Variants in GRIN2D observed in about 807,000 individuals in gnomAD.
The protein encoded by GRIN2D is glutamate ionotropic receptor NMDA type subunit 2D.
GRIN2D carries 37 observed loss-of-function variants against 103.2 expected under a neutral mutation model. The observed-to-expected ratio is 0.36, with a 90% CI of 0.28 to 0.47. The LOEUF (loss-of-function observed/expected upper bound fraction) is 0.47. GRIN2D is among the 20% of genes least tolerant of loss of function. The probability of loss-of-function intolerance (pLI) is 1.00; values close to 1 mark genes in which losing one functional copy is unlikely to be tolerated. For missense variants in GRIN2D, 1,557 were observed against 1,910.6 expected, an observed-to-expected ratio of 0.81 and a Z score of 3.45; for synonymous variants, 845 against 885.6, an observed-to-expected ratio of 0.95 and a Z score of 0.81.
At chr19:48,411,369 A>G (rs1176645530) in intron 4 of GRIN2D, among the ~76,000 whole-genome samples, 1 of 147,138 alleles carries the variant, frequency 6.8e-6, no homozygotes, top group Non-Finnish European at 1.5e-5. Context: ...TAATAATAAT[A>G]GGCCGGCAGT....
intron 8 of GRIN2D, among the ~76,000 whole-genome samples, chr19:48,417,231 C>G (rs1970959747): frequency 1.3e-5 from 2 of 152,216 alleles, no homozygotes; most frequent in East Asian, 3.9e-4. Context: ...CAGAGCCAGA[C>G]CCTATCTCTA....
chr19:48,402,116 G>GAAAGAAAGAAAGAAAC (rs1345093145), intron 3 of GRIN2D, among the ~76,000 whole-genome samples: 1 of 12,080 alleles, frequency 8.3e-5, no homozygotes, highest in Non-Finnish European at 1.9e-4. Flanking sequence ...GAAAGAGAAG[G>GAAAGAAAGAAAGAAAC]AAAGAAAGAA....
At chr19:48,430,093 T>C (rs1244128692) in intron 11 of GRIN2D, among the ~76,000 whole-genome samples, 1 of 152,224 alleles carries the variant, frequency 6.6e-6, no homozygotes, top group Non-Finnish European at 1.5e-5. Flanking sequence ...ATTGTGACTC[T>C]GACAGATGAA....
intron 4 of GRIN2D, among the ~76,000 whole-genome samples, chr19:48,411,515 G>A (rs985461822): frequency 6.6e-6 from 1 of 151,860 alleles, no homozygotes; most frequent in African/African-American, 2.4e-5. Context: ...CAGGCGCGGT[G>A]GTGCTTGCCT....
At chr19:48,413,495 A>ACAAAAACAAACAAAAT (rs1173214285) in intron 4 of GRIN2D, among the ~76,000 whole-genome samples, 1 of 151,378 alleles carries the variant, frequency 6.6e-6, no homozygotes, top group Non-Finnish European at 1.5e-5. Flanking sequence ...CAAAACAAAA[A>ACAAAAACAAACAAAAT]CAAAAACAAA....
In GRIN2D at chr19:48,398,519, G is replaced by T; in HGVS notation, c.127G>T (p.Gly43Cys). 2.9e-6 allele frequency: 3 copies of T among 1,024,134 alleles called. No homozygotes were observed. The highest frequency in any genetic ancestry group is 3.5e-6 in the Non-Finnish European group (3 of 856,996). The allele number at this position is 1,024,134 out of a possible 1,614,324, so 63.4% of individuals were successfully genotyped here. The change falls in exon 3 of 14, where the codon GGC becomes TGC. Residue 43 changes from glycine to cysteine, a missense_variant. Physicochemically the swap from Gly to Cys is radical, Grantham distance 159 (BLOSUM62 -3). Transcript: ENST00000263269. ...GCCGGGCGGGGCCGGTGGGCCCGGCGGCGGCCTCGGCGGGGCGCGGCCGCT... is the reference window on the plus strand; with the variant it reads ...GCCGGGCGGGGCCGGTGGGCCCGGCTGCGGCCTCGGCGGGGCGCGGCCGCT... The part of the protein sequence containing the change: ...PGPGGAGGPG[G>C]GLGGARPLNV...
rs1385313006 is a variant in GRIN2D, at chr19:48,442,175, G to A, written c.2466G>A (p.Leu822=). Residue 822 remains leucine, a synonymous_variant, in exon 13 of 14, where the codon CTG becomes CTA. Transcript: ENST00000263269. This position sits in a 1 kb window ranked among gnomAD's most constrained non-coding sequence, Gnocchi z 7.2. The stretch of plus-strand genomic sequence containing the variant: ...ATGAGATCGAGATGCTGGAGCGGCT[G>A]TGGCTCTCTGGGATCTGCCACAATG... ...GDDEIEMLER[L]WLSGICHNDK... 1.9e-6 allele frequency: 3 copies of A among 1,614,080 alleles called. No homozygotes were observed. The highest frequency in any genetic ancestry group is 2.7e-5 in the African/African-American group (2 of 74,932).
intron 3 of GRIN2D, among the ~76,000 whole-genome samples, chr19:48,400,836 C>T (rs550409335): frequency 1.3e-5 from 2 of 152,178 alleles, no homozygotes; most frequent in South Asian, 2.1e-4. Context: ...GAGGCCGAGG[C>T]GGGCAGATCA....
intron 11 of GRIN2D, among the ~76,000 whole-genome samples, chr19:48,439,807 G>C (rs1169897031): frequency 6.6e-6 from 1 of 152,228 alleles, no homozygotes; most frequent in East Asian, 1.9e-4. Context: ...GCCAGGCGTG[G>C]TGGCACATGC....
chr19:48,415,098 T>C (rs1002621431), intron 7 of GRIN2D, 66 bp downstream of exon 7: 10 of 1,422,834 alleles, frequency 7.0e-6, no homozygotes, highest in Non-Finnish European at 9.6e-6. Context: ...CAGCCGGGCG[T>C]GGTGGCTCAC....
intron 9 of GRIN2D, 101 bp from the exon 10 acceptor site, chr19:48,419,484 C>T (rs1970989767): frequency 5.1e-6 from 7 of 1,364,660 alleles, no homozygotes; most frequent in Admixed American, 2.1e-5. Flanking sequence ...GTGCCAGATG[C>T]CTTGAGGGCC....
rs915124750 is a variant in GRIN2D at position 48,394,474 on chromosome 19, G to A, written c.-305-184G>A. On this transcript the variant is annotated intron_variant, in intron 1 of 13. Coordinates refer to ENST00000263269, the MANE Select transcript of GRIN2D (RefSeq NM_000836.4). This position sits in a 1 kb window ranked among gnomAD's most constrained non-coding sequence, Gnocchi z 5.1. ...GGAAGGGGGGGTGGGGGGGCTGAGG[G>A]CACAAAGCGGGGGTGCGAGTGAGCC... Among the ~76,000 whole-genome samples the A allele has an allele frequency of 1.4e-5, 2 of 143,274 alleles. No homozygotes were observed. The highest frequency in any genetic ancestry group is 5.1e-5 in the African/African-American group (2 of 39,558). 94.0% of individuals were successfully genotyped at this position (143,274 alleles called of 152,430 possible).
In GRIN2D at chr19:48,419,566, AC is replaced by A; in HGVS notation, c.1862-18del. On this transcript the variant is annotated intron_variant, in intron 9 of 13. Transcript: ENST00000263269. Reference sequence around the variant, plus strand: ...GAGAAGGGATTTGGGGTCCATGTCCACGTCCTGGCCCCCTGCAGGCCCTGGC... The same window carrying A: ...GAGAAGGGATTTGGGGTCCATGTCCAGTCCTGGCCCCCTGCAGGCCCTGGC... The A allele has an allele frequency of 6.4e-7, 1 of 1,561,968 alleles. No individual in the cohort carries two copies. Among genetic ancestry groups the A allele is most frequent in the East Asian group, 2.3e-5 (1 of 44,330 alleles).
At position 48,442,871 on chromosome 19, in the gene GRIN2D, C is replaced by T. The variant is rs968913408; in HGVS notation, c.2945C>T (p.Ala982Val). The T allele has an allele frequency of 9.9e-5, 108 of 1,086,380 alleles. No individual in the cohort carries two copies. The highest frequency in any genetic ancestry group is 1.1e-4 in the Non-Finnish European group (101 of 897,904). 67.3% of individuals were successfully genotyped at this position (1,086,380 alleles called of 1,614,324 possible). A position where few individuals can be genotyped will look rare whatever the true frequency, so the allele number is the denominator to read the frequency against. The part of the protein sequence containing the change: ...GLGLGLGEAR[A>V]APRGAAGRPL... Reference sequence around the variant, plus strand: ...GGCCTCGGCCTGGGCGAAGCGCGCGCGGCACCGCGGGGCGCAGCCGGGCGC... The same window carrying T: ...GGCCTCGGCCTGGGCGAAGCGCGCGTGGCACCGCGGGGCGCAGCCGGGCGC... The change falls in exon 14 of 14, where the codon GCG (alanine) becomes GTG (valine). Residue 982 changes from alanine (A) to valine (V), a missense_variant. Around this residue, in one of 7 missense-constraint regions of GRIN2D, gnomAD observed 632 missense variants for 572.8 expected, o/e 1.10. Coordinates refer to ENST00000263269, the MANE Select transcript of GRIN2D (RefSeq NM_000836.4). The surrounding 1 kb of genome is among the most constrained non-coding windows in gnomAD (Gnocchi z 7.2).
chr19:48,434,646 C>T (rs1248909761), intron 11 of GRIN2D, among the ~76,000 whole-genome samples: 2 of 151,940 alleles, frequency 1.3e-5, no homozygotes, highest in East Asian at 3.8e-4. Flanking sequence ...GTTGCCCAGG[C>T]TGGTCTCAAA....
At position 48,419,405 on chromosome 19, in the gene GRIN2D, CAG is replaced by C. The variant is rs760236920; in HGVS notation, c.1861+50_1861+51del. The C allele has an allele frequency of 3.2e-6, 5 of 1,573,302 alleles. No individual in the cohort carries two copies. The African/African-American group carries it at 6.9e-5, about 22-fold the overall frequency. On this transcript the variant is annotated intron_variant, in intron 9 of 13. Coordinates refer to ENST00000263269, the MANE Select transcript of GRIN2D (RefSeq NM_000836.4). ...CCCCCGCCTCGGAGATCCCGAACCA[CAG>C]AGACAGAGAACTACATTTCCCAGCA...
intron 11 of GRIN2D, among the ~76,000 whole-genome samples, chr19:48,422,563 A>C (rs1358722767): frequency 2.0e-5 from 3 of 151,826 alleles, no homozygotes; most frequent in Non-Finnish European, 4.4e-5. Flanking sequence ...GTGAGCCGAG[A>C]TCATGCCACT....
intron 11 of GRIN2D, among the ~76,000 whole-genome samples, chr19:48,433,744 T>G (rs1459895608): frequency 2.6e-5 from 4 of 152,210 alleles, no homozygotes; most frequent in Non-Finnish European, 4.4e-5. Flanking sequence ...TTTTTTTTTC[T>G]TTTGGATCAA....
chr19:48,405,373 G>C lies in GRIN2D; in HGVS notation c.1085+20G>C. 2 of 1,532,852 alleles carry C rather than the reference G, an allele frequency of 1.3e-6. No individual in the cohort carries two copies. The highest frequency in any genetic ancestry group is 1.7e-6 in the Non-Finnish European group (2 of 1,143,296). The allele number at this position is 1,532,852 out of a possible 1,614,324, so 95.0% of individuals were successfully genotyped here. A position where few individuals can be genotyped will look rare whatever the true frequency, so the allele number is the denominator to read the frequency against. On this transcript the variant is annotated intron_variant, in intron 4 of 13. Coordinates refer to ENST00000263269, the MANE Select transcript of GRIN2D (RefSeq NM_000836.4). This position sits in a 1 kb window ranked among gnomAD's most constrained non-coding sequence, Gnocchi z 5.1. ...GCATAGGTGAGTGGGGCTGGAATGGGAGGGGTGTGGGAGGGCTCCCAGAGC... is the reference window on the plus strand; with the variant it reads ...GCATAGGTGAGTGGGGCTGGAATGGCAGGGGTGTGGGAGGGCTCCCAGAGC...
Sources: allele counts gnomAD v4.1 joint callset (sites outside exome capture counted in the v4.1 genomes callset), GRCh38; gene constraint gnomAD v4.1.1; regional missense constraint gnomAD v4.1.1; non-coding constraint Gnocchi (gnomAD v3.1); transcripts MANE v1.5; gene names NCBI Gene and HGNC (gene_info 2026-07-23, HGNC 2026-07-21).